The following TPRG1 variants were observed in gnomAD, a reference collection of about 807,000 sequenced individuals.
TPRG1 encodes the protein tumor protein p63 regulated 1.
A neutral mutation model predicts 29.3 loss-of-function variants in TPRG1; 29 were observed. The ratio of observed to expected loss-of-function variants is 0.99; its 90% CI spans 0.74 to 1.35. The LOEUF is 1.35. Ranked by LOEUF, TPRG1 falls within the 40% of genes most tolerant of loss-of-function variation. TPRG1 has a pLI of 0.00. For missense variants in TPRG1, 327 were observed against 335.0 expected, an observed-to-expected ratio of 0.98 and a Z score of 0.19; for synonymous variants, 130 against 116.8, an observed-to-expected ratio of 1.11 and a Z score of -0.73.
rs970321258 is a variant in TPRG1, at chr3:189,137,291, C to T, written c.-291+4594C>T. Among the ~76,000 whole-genome samples, 10 of 137,196 alleles carry T rather than the reference C, an allele frequency of 7.3e-5. No individual in the cohort carries two copies. In the South Asian group the frequency reaches 2.5e-3, roughly 34 times the overall value. 90.0% of individuals were successfully genotyped at this position (137,196 alleles called of 152,430 possible). A position where few individuals can be genotyped will look rare whatever the true frequency, so the allele number is the denominator to read the frequency against. On this transcript the variant is annotated intron_variant, in intron 3 of 6. Transcript: ENST00000412373. The stretch of plus-strand genomic sequence containing the variant: ...ACAAAATAAACAGCTTCTGAAAACC[C>T]CAAAATGTGTGTGTGTGTGTGTGTG...
intron 3 of TPRG1, among the ~76,000 whole-genome samples, chr3:189,012,220 G>A (rs981238962): frequency 6.6e-6 from 1 of 152,160 alleles, no homozygotes; most frequent in Non-Finnish European, 1.5e-5. Context: ...TGGTTTTCAA[G>A]AAGAATGCTT....
At chr3:189,261,414 TA>T (rs112785951) in intron 4 of TPRG1, among the ~76,000 whole-genome samples, 379 of 140,122 alleles carry the variant, frequency 2.7e-3, no homozygotes, top group Middle Eastern at 7.2e-3. Flanking sequence ...GGTCTTTGCT[TA>T]AAAAAAAAAA....
chr3:189,231,292 A>G (rs1738610830), intron 3 of TPRG1, among the ~76,000 whole-genome samples: 1 of 147,266 alleles, frequency 6.8e-6, no homozygotes, highest in Admixed American at 6.8e-5. Context: ...ATATGCACAC[A>G]CACATACATA....
At chr3:189,050,308 C>T (rs993559504) in intron 4 of TPRG1, among the ~76,000 whole-genome samples, 11 of 152,206 alleles carry the variant, frequency 7.2e-5, no homozygotes, top group African/African-American at 2.6e-4. Flanking sequence ...CTATGAACAA[C>T]TTTATGCACA....
At chr3:189,219,535 AT>A in intron 3 of TPRG1, 1 of 1,133,638 alleles carries the variant, frequency 8.8e-7, no homozygotes. Context: ...AAAAAAAAAG[AT>A]TATTTTAAAA....
At chr3:189,066,589 G>C in intron 4 of TPRG1, among the ~76,000 whole-genome samples, 1 of 151,172 alleles carries the variant, frequency 6.6e-6, no homozygotes, top group African/African-American at 2.4e-5. Flanking sequence ...AATTGATGCT[G>C]AAAAAGCGTT....
chr3:189,122,626 T>C (rs752354571), intron 1 of TPRG1, among the ~76,000 whole-genome samples: 4 of 152,242 alleles, frequency 2.6e-5, no homozygotes, highest in Non-Finnish European at 5.9e-5. Flanking sequence ...AGTCCAACCC[T>C]GTCCTTTTAT....
At chr3:189,214,709 C>A (rs940685459) in intron 2 of TPRG1, among the ~76,000 whole-genome samples, 1 of 152,076 alleles carries the variant, frequency 6.6e-6, no homozygotes, top group Non-Finnish European at 1.5e-5. Flanking sequence ...GTGATTCTGA[C>A]GGGCATTGAA....
intron 4 of TPRG1, among the ~76,000 whole-genome samples, chr3:189,027,930 AT>A (rs374031455): frequency 3.3e-5 from 5 of 151,494 alleles, no homozygotes; most frequent in East Asian, 1.9e-4. Flanking sequence ...CGTAGTGGCC[AT>A]TTTTTTTCGT....
rs397875585 is a variant in TPRG1 at position 189,186,985 on chromosome 3, G to GTTTTTT, written c.-10+14870_-10+14875dup. Among the ~76,000 whole-genome samples, 45 of 88,928 alleles carry GTTTTTT rather than the reference G, an allele frequency of 5.1e-4. 1 individual carries two copies. Among genetic ancestry groups the GTTTTTT allele is most frequent in the East Asian group, 1.6e-3 (4 of 2,550 alleles). The allele number at this position is 88,928 out of a possible 152,430, so 58.3% of individuals were successfully genotyped here. ...TTAGATTCATTTGTTCATCTAAAGT[G>GTTTTTT]TTTTTTTTTTTTTTTTTTTTTGAGA... On this transcript the variant is annotated intron_variant, in intron 1 of 5. Coordinates refer to ENST00000345063, the MANE Select transcript of TPRG1 (RefSeq NM_198485.4).
At chr3:189,310,253 C>G (rs890666908) in intron 4 of TPRG1, 133 bp from the exon 5 acceptor site, 14 of 674,166 alleles carry the variant, frequency 2.1e-5, no homozygotes, top group Admixed American at 3.6e-5. Flanking sequence ...CCTTTTTCTT[C>G]TCACCCCCTA....
intron 3 of TPRG1, among the ~76,000 whole-genome samples, chr3:189,226,776 G>A (rs561291103): frequency 6.2e-5 from 8 of 128,058 alleles, no homozygotes; most frequent in Middle Eastern, 4.4e-3. Flanking sequence ...CAATAAAATG[G>A]AAAGCATCTA....
intron 1 of TPRG1, among the ~76,000 whole-genome samples, chr3:189,176,679 T>C (rs888283345): frequency 5.9e-5 from 9 of 152,156 alleles, no homozygotes; most frequent in African/African-American, 2.2e-4. Context: ...AGCGAGGCAC[T>C]AATTGGTGAA....
intron 3 of TPRG1, among the ~76,000 whole-genome samples, chr3:189,222,204 T>C (rs1737048733): frequency 6.6e-6 from 1 of 152,180 alleles, no homozygotes; most frequent in South Asian, 2.1e-4. Context: ...CAAATGCCTG[T>C]AAGGGATGGT....
Position 189,325,137 on chromosome 3 carries a change from A to G in TPRG1, c.*4317A>G, listed in dbSNP as rs1319606348. 2 of 151,866 alleles carry G rather than the reference A, an allele frequency of 1.3e-5. No individual in the cohort carries two copies. The highest frequency in any genetic ancestry group is 2.9e-5 in the Non-Finnish European group (2 of 67,988). 9.4% of individuals were successfully genotyped at this position (151,866 alleles called of 1,614,324 possible). ...TGTCTTATTCTACCTGATTTTGGCAACTGCTTAGGGTTCTTCTGTATCCAC... is the reference window on the plus strand; with the variant it reads ...TGTCTTATTCTACCTGATTTTGGCAGCTGCTTAGGGTTCTTCTGTATCCAC... On this transcript the variant is annotated 3_prime_UTR_variant, in exon 6 of 6. Coordinates refer to ENST00000345063, the MANE Select transcript of TPRG1 (RefSeq NM_198485.4).
At chr3:189,075,132 ATTATTTTTT>A (rs1298519526) in intron 4 of TPRG1, among the ~76,000 whole-genome samples, 2 of 146,626 alleles carry the variant, frequency 1.4e-5, no homozygotes, top group Non-Finnish European at 3.0e-5. Context: ...TTTAAATTTT[ATTATTTTTT>A]TTATTTTTTG....
chr3:189,279,975 C>T (rs147610101), intron 4 of TPRG1, among the ~76,000 whole-genome samples: 37 of 152,252 alleles, frequency 2.4e-4, no homozygotes, highest in Admixed American at 1.2e-3. Flanking sequence ...TGGTAGATCA[C>T]GGGTCTTTAT....
chr3:189,202,864 C>A (rs1236560684), intron 1 of TPRG1, among the ~76,000 whole-genome samples: 1 of 152,180 alleles, frequency 6.6e-6, no homozygotes, highest in Non-Finnish European at 1.5e-5. Flanking sequence ...TGGGCTCAGA[C>A]ATTTGGCAAA....
chr3:189,137,806 G>C (rs747598130), intron 3 of TPRG1, among the ~76,000 whole-genome samples: 1 of 152,116 alleles, frequency 6.6e-6, no homozygotes, highest in Non-Finnish European at 1.5e-5. Flanking sequence ...GGCCTTGGTT[G>C]GTGGATGGGT....
Sources: allele counts gnomAD v4.1 joint callset (sites outside exome capture counted in the v4.1 genomes callset), GRCh38; gene constraint gnomAD v4.1.1; transcripts MANE v1.5; gene names NCBI Gene and HGNC (gene_info 2026-07-23, HGNC 2026-07-21).